Variants in PRKN observed in about 807,000 individuals in gnomAD.
PRKN encodes the protein parkin RBR E3 ubiquitin protein ligase.
Under a neutral mutation model 59.5 loss-of-function variants are expected in PRKN, and 56 were observed. The ratio of observed to expected loss-of-function variants is 0.94; its 90% CI spans 0.76 to 1.18. The LOEUF is 1.18. Ranked by LOEUF, PRKN falls within the 50% of genes most tolerant of loss-of-function variation. The pLI, the probability that PRKN is intolerant of heterozygous loss-of-function variation, is 0.00. For missense variants in PRKN, 657 were observed against 596.4 expected, an observed-to-expected ratio of 1.10 and a Z score of -1.06; for synonymous variants, 250 against 222.1, an observed-to-expected ratio of 1.13 and a Z score of -1.12.
intron 4 of PRKN, among the ~76,000 whole-genome samples, chr6:162,071,322 T>C (rs1778565960): frequency 6.6e-6 from 1 of 151,592 alleles, no homozygotes; most frequent in South Asian, 2.1e-4. Flanking sequence ...CCCCACTTTC[T>C]GACAATGTGG....
At chr6:162,542,704 T>G (rs1160552722) in intron 1 of PRKN, among the ~76,000 whole-genome samples, 1 of 152,152 alleles carries the variant, frequency 6.6e-6, no homozygotes, top group Non-Finnish European at 1.5e-5. Context: ...AGAAAATAAG[T>G]GCAATGCATG....
At position 162,551,707 on chromosome 6, in the gene PRKN, C is replaced by T. The variant is rs532013496; in HGVS notation, c.8-108234G>A. On this transcript the variant is annotated intron_variant, in intron 1 of 11. Transcript: ENST00000366898. ...GCAGAGTAAGTTCATACAGAAGCTC[C>T]GGCCTCATCGTTGTAACATGTATTT... 4.0e-5 allele frequency among the ~76,000 whole-genome samples: 6 copies of T among 151,870 alleles called. No homozygotes were observed. In the East Asian group the frequency reaches 9.7e-4, roughly 24 times the overall value.
At chr6:162,553,779 G>A (rs1205522407) in intron 1 of PRKN, among the ~76,000 whole-genome samples, 21 of 106,492 alleles carry the variant, frequency 2.0e-4, no homozygotes, top group South Asian at 6.8e-4. Context: ...TCCAGTATGG[G>A]CAACAGAGCA....
At chr6:162,084,343 G>A (rs1004894783) in intron 4 of PRKN, among the ~76,000 whole-genome samples, 7 of 152,102 alleles carry the variant, frequency 4.6e-5, no homozygotes, top group African/African-American at 1.7e-4. Flanking sequence ...AGGCAGCTCC[G>A]TGGAGTCAAC....
chr6:162,517,508 G>A (rs987947420), intron 1 of PRKN, among the ~76,000 whole-genome samples: 5 of 151,448 alleles, frequency 3.3e-5, no homozygotes, highest in African/African-American at 7.3e-5. Context: ...TGCCCACTTC[G>A]GCCTCCCAAA....
At chr6:162,410,776 C>T (rs1788317448) in intron 2 of PRKN, among the ~76,000 whole-genome samples, 1 of 152,144 alleles carries the variant, frequency 6.6e-6, no homozygotes, top group Non-Finnish European at 1.5e-5. Flanking sequence ...TGGAGTTTGG[C>T]TTCTGTTATC....
intron 4 of PRKN, among the ~76,000 whole-genome samples, chr6:162,183,450 T>C (rs1783886802): frequency 1.3e-5 from 2 of 152,140 alleles, no homozygotes; most frequent in Non-Finnish European, 2.9e-5. Context: ...GAAGGAGATG[T>C]CCTTGACAGA....
At chr6:161,975,223 C>A (rs1583428146) in intron 5 of PRKN, among the ~76,000 whole-genome samples, 1 of 151,464 alleles carries the variant, frequency 6.6e-6, no homozygotes, top group African/African-American at 2.4e-5. Context: ...GTAGCTGGGA[C>A]TACAGGTGCC....
chr6:161,851,870 T>A lies in PRKN; in HGVS notation c.735-65962A>T, dbSNP rs540381532. 4.1e-3 allele frequency among the ~76,000 whole-genome samples: 619 copies of A among 151,306 alleles called. 3 individuals carry two copies. The highest frequency in any genetic ancestry group is 0.014 in the African/African-American group (579 of 41,450). On this transcript the variant is annotated intron_variant, in intron 6 of 11. Transcript: ENST00000366898. ...TGGAGGCCGAGGCGGGCGGATCACC[T>A]GAGGTCAGGAGTTTGAGACCAGCCT...
intron 9 of PRKN, among the ~76,000 whole-genome samples, chr6:161,514,739 G>GA: frequency 6.6e-6 from 1 of 152,108 alleles, no homozygotes; most frequent in Non-Finnish European, 1.5e-5. Flanking sequence ...GGGGCTGAAA[G>GA]AAAACTTTGT....
intron 5 of PRKN, among the ~76,000 whole-genome samples, chr6:161,994,372 T>TAATGGGGA (rs1781762454): frequency 6.6e-6 from 1 of 151,952 alleles, no homozygotes; most frequent in Non-Finnish European, 1.5e-5. Flanking sequence ...GGAACATACC[T>TAATGGGGA]AATGGGGAAA....
chr6:162,079,591 C>T lies in PRKN; in HGVS notation c.535-25417G>A, dbSNP rs1778975736. Reference sequence around the variant, plus strand: ...CCCTGTTTAAACCCCTCTCATGGTTCCCCCTTATTTCAGGACAGTTTATGC... The same window carrying T: ...CCCTGTTTAAACCCCTCTCATGGTTTCCCCTTATTTCAGGACAGTTTATGC... On this transcript the variant is annotated intron_variant, in intron 4 of 11. Transcript: ENST00000366898. Among the ~76,000 whole-genome samples, 3 of 152,088 alleles carry T rather than the reference C, an allele frequency of 2.0e-5. No homozygotes were observed. The South Asian group carries it at 6.2e-4, about 32-fold the overall frequency.
At chr6:161,506,892 C>A (rs763225011) in intron 9 of PRKN, among the ~76,000 whole-genome samples, 6 of 152,152 alleles carry the variant, frequency 3.9e-5, no homozygotes, top group Non-Finnish European at 7.3e-5. Flanking sequence ...CATTAACAAA[C>A]TGTAACCCAT....
At chr6:162,720,168 A>C (rs1279363038) in intron 1 of PRKN, among the ~76,000 whole-genome samples, 1 of 152,222 alleles carries the variant, frequency 6.6e-6, no homozygotes, top group Admixed American at 6.5e-5. Flanking sequence ...TTCAACAATT[A>C]TGTAAATAAA....
In PRKN at chr6:161,360,124, G is replaced by C; in HGVS notation, c.1249C>G (p.Pro417Ala). ...ACTGGTACATGGCAGCGGGGACAGGGCTTGGTGGTTTTCTTGATGGTTTCT... is the reference window on the plus strand; with the variant it reads ...ACTGGTACATGGCAGCGGGGACAGGCCTTGGTGGTTTTCTTGATGGTTTCT... The part of the protein sequence containing the change: ...SKETIKKTTK[P>A]CPRCHVPVEK... Residue 417 changes from proline (P) to alanine (A), a missense_variant, in exon 11 of 12, where the codon CCC (proline) becomes GCC (alanine). Physicochemically the swap from Pro to Ala is conservative, Grantham distance 27. Coordinates refer to ENST00000366898, the MANE Select transcript of PRKN (RefSeq NM_004562.3). The surrounding 1 kb of genome is among the most constrained non-coding windows in gnomAD (Gnocchi z 5.1). The C allele has an allele frequency of 6.2e-7, 1 of 1,614,124 alleles. No individual in the cohort carries two copies. Among genetic ancestry groups the C allele is most frequent in the Middle Eastern group, 1.6e-4 (1 of 6,062 alleles).
At chr6:161,621,972 TG>T in intron 7 of PRKN, among the ~76,000 whole-genome samples, 1 of 152,278 alleles carries the variant, frequency 6.6e-6, no homozygotes, top group East Asian at 1.9e-4. Context: ...AGCCACCCTC[TG>T]TTTTTCTCCC....
chr6:161,755,205 G>T (rs1361858698), intron 7 of PRKN, among the ~76,000 whole-genome samples: 1 of 152,162 alleles, frequency 6.6e-6, no homozygotes, highest in African/African-American at 2.4e-5. Flanking sequence ...GCCAGTAGGG[G>T]AGGTGCATGA....
At chr6:161,840,153 C>G (rs1792924638) in intron 6 of PRKN, among the ~76,000 whole-genome samples, 1 of 152,212 alleles carries the variant, frequency 6.6e-6, no homozygotes, top group South Asian at 2.1e-4. Flanking sequence ...CATTTTATAG[C>G]AAGCTCATGT....
At chr6:161,513,470 G>C (rs902520680) in intron 9 of PRKN, among the ~76,000 whole-genome samples, 1 of 51,790 alleles carries the variant, frequency 1.9e-5, no homozygotes, top group East Asian at 3.6e-4. Flanking sequence ...TCGATCTCCT[G>C]ACCTCGTTCG....
Sources: gnomAD v4.1 joint callset for allele counts (sites outside exome capture counted in the v4.1 genomes callset) on GRCh38, gnomAD v4.1.1 for gene constraint, Gnocchi (gnomAD v3.1) non-coding constraint, MANE v1.5 for transcripts, NCBI Gene and HGNC (gene_info 2026-07-23, HGNC 2026-07-21) for gene names.